The following PRKCA variants were observed in gnomAD, a reference collection of about 807,000 sequenced individuals.
PRKCA encodes protein kinase C alpha type.
In PRKCA, 27 loss-of-function variants were observed where a neutral mutation model predicts 87.0. The ratio of observed to expected loss-of-function variants is 0.31; its 90% CI spans 0.23 to 0.43. PRKCA has a LOEUF of 0.43. PRKCA is among the 20% of genes least tolerant of loss of function. The probability of loss-of-function intolerance (pLI) is 1.00; values close to 1 mark genes in which losing one functional copy is unlikely to be tolerated. For synonymous variants in PRKCA, 329 were observed against 311.1 expected (o/e 1.06, Z -0.61); for missense variants, 518 against 852.3 (o/e 0.61, Z 4.88).
intron 2 of PRKCA, among the ~76,000 whole-genome samples, chr17:66,349,315 C>T (rs920148426): frequency 1.3e-5 from 2 of 152,130 alleles, no homozygotes; most frequent in African/African-American, 4.8e-5. Flanking sequence ...TCCTTCTGGG[C>T]TTTTGCTGTT....
rs547060119 is a variant in PRKCA at position 66,486,397 on chromosome 17, C to T, written c.206-9804C>T. 4.6e-5 allele frequency among the ~76,000 whole-genome samples: 7 copies of T among 152,316 alleles called. No homozygotes were observed. The South Asian group carries it at 1.2e-3, about 27-fold the overall frequency. On this transcript the variant is annotated intron_variant, in intron 2 of 16. Transcript: ENST00000413366. ...AACGTGTCGCTGTCATCATCTGCATCCTTCTAAGTGTGTGGCTTCTGGGCC... is the reference window on the plus strand; with the variant it reads ...AACGTGTCGCTGTCATCATCTGCATTCTTCTAAGTGTGTGGCTTCTGGGCC...
chr17:66,330,303 C>T (rs973567116), intron 2 of PRKCA, among the ~76,000 whole-genome samples: 24 of 151,920 alleles, frequency 1.6e-4, no homozygotes, highest in African/African-American at 2.7e-4. Context: ...GATGGGGTTT[C>T]GCCATCTCGG....
intron 5 of PRKCA, among the ~76,000 whole-genome samples, chr17:66,646,739 A>G (rs1273142002): frequency 1.3e-5 from 2 of 152,198 alleles, no homozygotes; most frequent in African/African-American, 2.4e-5. Flanking sequence ...AAGATAAGCA[A>G]ATGTTCTAAC....
chr17:66,326,029 G>A (rs1474954206), intron 2 of PRKCA, among the ~76,000 whole-genome samples: 1 of 152,138 alleles, frequency 6.6e-6, no homozygotes, highest in East Asian at 1.9e-4. Context: ...AGGAATAACC[G>A]GAGGACCTAC....
chr17:66,379,537 A>G (rs1598626680), intron 2 of PRKCA, among the ~76,000 whole-genome samples: 1 of 152,174 alleles, frequency 6.6e-6, no homozygotes, highest in Non-Finnish European at 1.5e-5. Context: ...ATTTTCTCCT[A>G]TTCTGTGAGT....
Position 66,302,826 on chromosome 17 carries a change from G to A in PRKCA, c.-26G>A, listed in dbSNP as rs769769007. On this transcript the variant is annotated 5_prime_UTR_variant, in exon 1 of 17. Transcript: ENST00000413366. ...CCTCCGCGGCCGCAGCTCCCCGGCG[G>A]AGGCAAGAGGTGGTTGGGGGGGACC... 4.5e-5 allele frequency: 68 copies of A among 1,518,832 alleles called. No individual in the cohort carries two copies. The highest frequency in any genetic ancestry group is 5.6e-5 in the Non-Finnish European group (63 of 1,131,030). 94.1% of individuals were successfully genotyped at this position (1,518,832 alleles called of 1,614,324 possible). A position where few individuals can be genotyped will look rare whatever the true frequency, so the allele number is the denominator to read the frequency against.
intron 3 of PRKCA, among the ~76,000 whole-genome samples, chr17:66,504,019 G>A (rs74800295): frequency 0.012 from 1,868 of 152,270 alleles, 24 homozygotes; most frequent in Non-Finnish European, 0.02. Flanking sequence ...CGTGCAGAGA[G>A]TCCTGGAGTG....
chr17:66,536,086 C>CTATTTT (rs1385043269), intron 3 of PRKCA, among the ~76,000 whole-genome samples: 4 of 152,222 alleles, frequency 2.6e-5, no homozygotes, highest in East Asian at 3.9e-4. Flanking sequence ...ACTAATTGCT[C>CTATTTT]TATTTTTATT....
intron 3 of PRKCA, among the ~76,000 whole-genome samples, chr17:66,573,928 C>G (rs1050034083): frequency 6.6e-6 from 1 of 152,140 alleles, no homozygotes; most frequent in Non-Finnish European, 1.5e-5. Context: ...GAGTTTGAAA[C>G]CAGCCTGGGT....
intron 8 of PRKCA, among the ~76,000 whole-genome samples, chr17:66,719,540 G>T (rs1411189929): frequency 6.6e-6 from 1 of 152,232 alleles, no homozygotes; most frequent in Non-Finnish European, 1.5e-5. Flanking sequence ...GCCGAGGTGG[G>T]TGGATCACTT....
At chr17:66,780,450 G>A (rs1975177229) in intron 14 of PRKCA, among the ~76,000 whole-genome samples, 1 of 152,198 alleles carries the variant, frequency 6.6e-6, no homozygotes, top group Admixed American at 6.5e-5. Context: ...GCCCAGGTGG[G>A]TGGATCACGA....
chr17:66,566,479 GGTTTT>G (rs1177151017), intron 3 of PRKCA, among the ~76,000 whole-genome samples: 14 of 74,706 alleles, frequency 1.9e-4, no homozygotes, highest in South Asian at 5.5e-4. Flanking sequence ...GTTGTTTTTT[GGTTTT>G]TTTTTTTTTT....
chr17:66,403,276 G>A (rs999791051), intron 2 of PRKCA, among the ~76,000 whole-genome samples: 8 of 152,142 alleles, frequency 5.3e-5, no homozygotes, highest in African/African-American at 1.9e-4. Flanking sequence ...AATATACCTG[G>A]TTTCCAATTT....
chr17:66,800,794 G>A (rs867994083), intron 16 of PRKCA, among the ~76,000 whole-genome samples: 2 of 152,178 alleles, frequency 1.3e-5, no homozygotes, highest in Non-Finnish European at 2.9e-5. Context: ...ATTCATCAAC[G>A]TGTCCTGTGA....
chr17:66,339,377 T>G (rs1445560273), intron 2 of PRKCA, among the ~76,000 whole-genome samples: 1 of 152,178 alleles, frequency 6.6e-6, no homozygotes. Context: ...AACTCTTCAC[T>G]AAAATCTCAC....
intron 3 of PRKCA, among the ~76,000 whole-genome samples, chr17:66,556,431 A>C (rs1376614440): frequency 1.3e-5 from 2 of 150,548 alleles, no homozygotes. Context: ...GAGGTTATTG[A>C]AAATGTTGAT....
chr17:66,735,443 A>C (rs747282111), intron 9 of PRKCA, 46 bp from the exon 10 acceptor site: 6 of 1,610,234 alleles, frequency 3.7e-6, no homozygotes, highest in Non-Finnish European at 5.1e-6. Flanking sequence ...CTGCCCCCCA[A>C]GATATGTGCT....
chr17:66,576,928 C>T (rs956829945), intron 3 of PRKCA, among the ~76,000 whole-genome samples: 2 of 147,248 alleles, frequency 1.4e-5, no homozygotes, highest in East Asian at 4.0e-4. Flanking sequence ...AGGCTGGAGT[C>T]CAGTGGTGCG....
intron 2 of PRKCA, among the ~76,000 whole-genome samples, chr17:66,356,428 G>A (rs1908056566): frequency 1.3e-5 from 2 of 152,124 alleles, no homozygotes; most frequent in Admixed American, 6.5e-5. Flanking sequence ...AAGGTCAGGA[G>A]ATCGAGGCCA....
Sources: gnomAD v4.1 joint callset for allele counts (sites outside exome capture counted in the v4.1 genomes callset) on GRCh38, gnomAD v4.1.1 for gene constraint, MANE v1.5 for transcripts, NCBI Gene and HGNC (gene_info 2026-07-23, HGNC 2026-07-21) for gene names.